Variants in ARHGAP44 observed in about 807,000 individuals in gnomAD.
ARHGAP44 encodes the protein rho GTPase-activating protein 44.
ARHGAP44 carries 43 observed loss-of-function variants against 106.8 expected under a neutral mutation model. That is an observed-to-expected ratio of 0.40 (90% confidence interval 0.32 to 0.52). ARHGAP44 has a LOEUF of 0.52. ARHGAP44 is among the 20% of genes least tolerant of loss of function. The pLI, the probability that ARHGAP44 is intolerant of heterozygous loss-of-function variation, is 0.48. For missense variants in ARHGAP44, 866 were observed against 1,050.5 expected, an observed-to-expected ratio of 0.82 and a Z score of 2.43; for synonymous variants, 439 against 410.3, an observed-to-expected ratio of 1.07 and a Z score of -0.85.
chr17:12,903,200 G>A (rs1206440042), intron 3 of ARHGAP44, among the ~76,000 whole-genome samples: 2 of 146,966 alleles, frequency 1.4e-5, no homozygotes, highest in African/African-American at 2.5e-5. Flanking sequence ...GAGGAATGGA[G>A]TGGATATTAG....
At chr17:12,978,977 C>G (rs1216631086) in intron 18 of ARHGAP44, among the ~76,000 whole-genome samples, 2 of 152,192 alleles carry the variant, frequency 1.3e-5, no homozygotes, top group African/African-American at 4.8e-5. Flanking sequence ...CATGAGCCAC[C>G]ATGCCCGGCC....
chr17:12,902,840 G>C (rs1179915626), intron 3 of ARHGAP44, among the ~76,000 whole-genome samples: 1 of 152,132 alleles, frequency 6.6e-6, no homozygotes, highest in East Asian at 1.9e-4. Context: ...TTGTTTGAGA[G>C]GTCAGTGAGG....
At chr17:12,951,218 G>A (rs1485682080) in intron 12 of ARHGAP44, among the ~76,000 whole-genome samples, 5 of 152,142 alleles carry the variant, frequency 3.3e-5, no homozygotes, top group African/African-American at 9.7e-5. Context: ...AGCTCATTGT[G>A]TGTTTTTAAC....
At chr17:12,972,639 ACT>A (rs1441651953) in intron 16 of ARHGAP44, among the ~76,000 whole-genome samples, 1 of 148,362 alleles carries the variant, frequency 6.7e-6, no homozygotes, top group African/African-American at 2.5e-5. Context: ...CAAGAGCGAA[ACT>A]CTGTCTCAAA....
At chr17:12,831,178 A>G (rs1036368304) in intron 1 of ARHGAP44, among the ~76,000 whole-genome samples, 1 of 152,210 alleles carries the variant, frequency 6.6e-6, no homozygotes, top group African/African-American at 2.4e-5. Context: ...TTGTGAGGTC[A>G]GGAGGGTGGT....
At chr17:12,790,159 C>T (rs148896254) in intron 1 of ARHGAP44, 6,562 of 443,330 alleles carry the variant, frequency 0.015, 59 homozygotes, top group Non-Finnish European at 0.021. Flanking sequence ...CCCCGGCTGC[C>T]CCTTCGCTTC....
At chr17:12,836,177 C>A (rs987572655) in intron 1 of ARHGAP44, among the ~76,000 whole-genome samples, 4 of 152,070 alleles carry the variant, frequency 2.6e-5, no homozygotes, top group African/African-American at 9.7e-5. Context: ...GAATGACTGG[C>A]AACTTAAGAA....
At chr17:12,953,298 T>G (rs2039044458) in intron 13 of ARHGAP44, among the ~76,000 whole-genome samples, 1 of 152,208 alleles carries the variant, frequency 6.6e-6, no homozygotes. Context: ...GCCTGGCTCC[T>G]GCTGCTTCAC....
At chr17:12,829,338 G>T (rs1316294018) in intron 1 of ARHGAP44, among the ~76,000 whole-genome samples, 1 of 151,996 alleles carries the variant, frequency 6.6e-6, no homozygotes, top group Non-Finnish European at 1.5e-5. Flanking sequence ...TAAGGCCAGG[G>T]TGCAGCCCAA....
chr17:12,826,481 C>A (rs2034922258), intron 1 of ARHGAP44, among the ~76,000 whole-genome samples: 1 of 152,200 alleles, frequency 6.6e-6, no homozygotes. Context: ...CCAGAGCCAA[C>A]TTTGTTTTCA....
intron 1 of ARHGAP44, among the ~76,000 whole-genome samples, chr17:12,846,581 A>G (rs776840092): frequency 6.6e-5 from 10 of 152,272 alleles, no homozygotes; most frequent in Non-Finnish European, 1.2e-4. Context: ...AACATTTTAT[A>G]CTGAATACAT....
chr17:12,973,165 A>G, intron 16 of ARHGAP44, 137 bp from the exon 17 acceptor site: 2 of 841,528 alleles, frequency 2.4e-6, no homozygotes, highest in Non-Finnish European at 3.7e-6. Context: ...AAATTGTAAT[A>G]ATTTTATAGC....
At position 12,789,626 on chromosome 17, in the gene ARHGAP44, T is replaced by G. The variant is rs1366501758; in HGVS notation, c.-213T>G. 1.8e-5 allele frequency: 6 copies of G among 325,852 alleles called. No homozygotes were observed. The highest frequency in any genetic ancestry group is 1.4e-4 in the South Asian group (1 of 7,100). 20.2% of individuals were successfully genotyped at this position (325,852 alleles called of 1,614,324 possible). On this transcript the variant is annotated 5_prime_UTR_variant, in exon 1 of 21. Transcript: ENST00000379672. ...TGCCCCGGGCATTGCGCGGCGCGCG[T>G]GAGGGGGATGCGGCAGGAGGCGGCG... is the stretch of plus-strand genomic sequence containing the variant.
At chr17:12,859,180 G>A (rs192267216) in intron 1 of ARHGAP44, among the ~76,000 whole-genome samples, 234 of 152,230 alleles carry the variant, frequency 1.5e-3, no homozygotes, top group African/African-American at 5.4e-3. Flanking sequence ...AAGATGACGT[G>A]ACAACATAAG....
rs1011569114 is a variant in ARHGAP44 at position 12,990,354 on chromosome 17, G to A, written c.*183G>A. ...TCCGTGTGGTGATGCTGGTGGTGCA[G>A]GTTTTGTTTGTTCCTTTCGGGTGGT... is the stretch of plus-strand genomic sequence containing the variant. On this transcript the variant is annotated 3_prime_UTR_variant, in exon 21 of 21. Transcript: ENST00000379672. 3 of 758,986 alleles carry A rather than the reference G, an allele frequency of 4.0e-6. No individual in the cohort carries two copies. The highest frequency in any genetic ancestry group is 6.1e-6 in the Non-Finnish European group (3 of 492,580). The allele number at this position is 758,986 out of a possible 1,614,324, so 47.0% of individuals were successfully genotyped here.
chr17:12,792,524 G>T (rs1423521925), intron 1 of ARHGAP44, among the ~76,000 whole-genome samples: 1 of 152,054 alleles, frequency 6.6e-6, no homozygotes, highest in East Asian at 1.9e-4. Context: ...GAATGTTTTG[G>T]GTCATGATCC....
At chr17:12,974,708 G>C (rs974633621) in intron 18 of ARHGAP44, among the ~76,000 whole-genome samples, 1 of 151,974 alleles carries the variant, frequency 6.6e-6, no homozygotes, top group African/African-American at 2.4e-5. Flanking sequence ...TATATATACT[G>C]TTATTTTTTC....
chr17:12,921,664 A>T (rs1177603880), intron 6 of ARHGAP44, among the ~76,000 whole-genome samples: 1 of 152,246 alleles, frequency 6.6e-6, no homozygotes, highest in Non-Finnish European at 1.5e-5. Flanking sequence ...GATGTAGCAT[A>T]CAGAGTTCAG....
intron 1 of ARHGAP44, among the ~76,000 whole-genome samples, chr17:12,885,989 T>C (rs1363928454): frequency 1.3e-5 from 2 of 152,124 alleles, no homozygotes; most frequent in South Asian, 2.1e-4. Context: ...CTTTTTTTAA[T>C]TGAAGTGTGT....
Sources: gnomAD v4.1 joint callset for allele counts (sites outside exome capture counted in the v4.1 genomes callset) on GRCh38, gnomAD v4.1.1 for gene constraint, MANE v1.5 for transcripts, NCBI Gene and HGNC (gene_info 2026-07-23, HGNC 2026-07-21) for gene names.